The following RYR2 variants were observed in gnomAD, a reference collection of about 807,000 sequenced individuals.
The protein encoded by RYR2 is ryanodine receptor 2.
A neutral mutation model predicts 601.1 loss-of-function variants in RYR2; 227 were observed. That is an observed-to-expected ratio of 0.38 (90% CI 0.34 to 0.42). The LOEUF (loss-of-function observed/expected upper bound fraction) is 0.42, where lower values mean the gene tolerates loss of function less well. Among genes scored for constraint, RYR2 ranks in the 10% least tolerant of loss-of-function variants. The pLI is 1.00. For synonymous variants in RYR2, 2,223 were observed against 2,175.1 expected (o/e 1.02, Z -0.61); for missense variants, 4,646 against 6,156.5 (o/e 0.75, Z 8.21).
In RYR2 at chr1:237,565,169, T is replaced by TTCTTTC. The variant is rs1553503353; in HGVS notation, c.3215-1396_3215-1391dup. 8.3e-4 allele frequency among the ~76,000 whole-genome samples: 20 copies of TTCTTTC among 24,032 alleles called. No individual in the cohort carries two copies. The South Asian group carries it at 0.047, about 56-fold the overall frequency. 15.8% of individuals were successfully genotyped at this position (24,032 alleles called of 152,430 possible). A position where few individuals can be genotyped will look rare whatever the true frequency, so the allele number is the denominator to read the frequency against. ...TCTTTCTTTCTTTCTCTTTCTTTCT[T>TTCTTTC]TCTTTCTTTCTTTCTTTCTTTCTTT... On this transcript the variant is annotated intron_variant, in intron 27 of 104. Transcript: ENST00000366574.
intron 44 of RYR2, 92 bp from the exon 45 acceptor site, chr1:237,638,265 A>G (rs1681080979): frequency 1.9e-6 from 3 of 1,546,402 alleles, no homozygotes; most frequent in South Asian, 2.5e-5. Context: ...GTTTAAAAGC[A>G]TCCTTTAAGG....
chr1:237,681,706 C>G (rs921407958), intron 62 of RYR2, among the ~76,000 whole-genome samples: 1 of 152,182 alleles, frequency 6.6e-6, no homozygotes, highest in African/African-American at 2.4e-5. Context: ...GAATTTCCAC[C>G]CCTTCCCACT....
chr1:237,363,039 G>C (rs1042296115), intron 4 of RYR2, among the ~76,000 whole-genome samples: 7 of 151,086 alleles, frequency 4.6e-5, no homozygotes, highest in African/African-American at 1.5e-4. Context: ...ACAAAATCAG[G>C]CTGAGAAAAT....
chr1:237,248,084 T>C (rs910003951), intron 1 of RYR2, among the ~76,000 whole-genome samples: 6 of 151,944 alleles, frequency 3.9e-5, no homozygotes, highest in Non-Finnish European at 7.4e-5. Flanking sequence ...CCAGCCTGGG[T>C]AACATGGTGA....
intron 2 of RYR2, among the ~76,000 whole-genome samples, chr1:237,284,572 A>G (rs1691297082): frequency 1.1e-5 from 1 of 93,320 alleles, no homozygotes; most frequent in Non-Finnish European, 2.0e-5. Flanking sequence ...CACCATATAT[A>G]TACACACACA....
intron 1 of RYR2, among the ~76,000 whole-genome samples, chr1:237,058,603 A>G (rs1463945325): frequency 6.6e-6 from 1 of 152,222 alleles, no homozygotes. Flanking sequence ...ATGAGCACCT[A>G]TAACACTTTC....
chr1:237,132,928 GT>G (rs1237445028), intron 1 of RYR2, among the ~76,000 whole-genome samples: 1 of 151,678 alleles, frequency 6.6e-6, no homozygotes, highest in Non-Finnish European at 1.5e-5. Flanking sequence ...CAGTGTTCAG[GT>G]AGAGTTGGGT....
At chr1:237,311,514 C>T (rs1694565914) in intron 2 of RYR2, among the ~76,000 whole-genome samples, 2 of 150,192 alleles carry the variant, frequency 1.3e-5, no homozygotes, top group Non-Finnish European at 2.9e-5. Context: ...GGATCTCACT[C>T]TGTGACCCAG....
rs1413565928 is a variant in RYR2, at chr1:237,784,025, C to A, written c.12313C>A (p.Leu4105Ile). The change falls in exon 90 of 105, where the codon CTC (leucine) becomes ATC (isoleucine). Residue 4105 changes from leucine (L) to isoleucine (I), a missense_variant. By Grantham distance (5) the Leu-to-Ile change is conservative. Coordinates refer to ENST00000366574, the MANE Select transcript of RYR2 (RefSeq NM_001035.3). The surrounding 1 kb of genome is among the most constrained non-coding windows in gnomAD (Gnocchi z 7.1). ...CAACGTCGCCGTCCTTCTGACAAAC[C>A]TCTCTGAGCACATGCCCAACGATAC... The part of the protein sequence containing the change: ...GFNVAVLLTN[L>I]SEHMPNDTRL... 6.2e-7 allele frequency: 1 copy of A among 1,613,990 alleles called. No individual in the cohort carries two copies. Among genetic ancestry groups the A allele is most frequent in the Non-Finnish European group, 8.5e-7 (1 of 1,179,874 alleles).
At chr1:237,684,344 C>G (rs988603726) in intron 62 of RYR2, among the ~76,000 whole-genome samples, 1 of 152,002 alleles carries the variant, frequency 6.6e-6, no homozygotes, top group African/African-American at 2.4e-5. Context: ...AAATTTAGAA[C>G]TACAGCCAAG....
intron 25 of RYR2, among the ~76,000 whole-genome samples, chr1:237,542,058 CTTTA>C (rs71180097): frequency 0.2 from 29,686 of 146,704 alleles, 3,257 homozygotes; most frequent in Middle Eastern, 0.27. Flanking sequence ...ACATTTTTGT[CTTTA>C]TTTATTTATT....
chr1:237,547,106 A>C (rs1231654749), intron 25 of RYR2, among the ~76,000 whole-genome samples: 1 of 151,246 alleles, frequency 6.6e-6, no homozygotes, highest in African/African-American at 2.4e-5. Context: ...CTTGGGTTTA[A>C]GCGATTCTCC....
intron 3 of RYR2, chr1:237,341,746 G>T (rs780190464): frequency 2.2e-6 from 1 of 464,328 alleles, no homozygotes; most frequent in Non-Finnish European, 4.3e-6. Flanking sequence ...TGCTACTGTA[G>T]TAACAGTTTT....
chr1:237,323,257 T>A (rs747860131), intron 2 of RYR2, among the ~76,000 whole-genome samples: 1 of 152,136 alleles, frequency 6.6e-6, no homozygotes, highest in Non-Finnish European at 1.5e-5. Flanking sequence ...GGAACCTACA[T>A]CAGAGGAACC....
intron 55 of RYR2, 150 bp from the exon 56 acceptor site, chr1:237,660,660 A>T: frequency 1.5e-6 from 1 of 677,272 alleles, no homozygotes. Flanking sequence ...TCTGCTTTTC[A>T]GAATTTTACT....
At chr1:237,242,455 A>G (rs1338754259) in intron 1 of RYR2, among the ~76,000 whole-genome samples, 1 of 152,152 alleles carries the variant, frequency 6.6e-6, no homozygotes. Context: ...AAATGCAAGG[A>G]CAGTAGAAAG....
intron 34 of RYR2, among the ~76,000 whole-genome samples, chr1:237,600,404 A>G (rs1676374560): frequency 6.6e-6 from 1 of 152,222 alleles, no homozygotes; most frequent in South Asian, 2.1e-4. Context: ...CCACATGCAG[A>G]AGAATGAAAT....
At chr1:237,550,165 G>A (rs1670240253) in intron 26 of RYR2, among the ~76,000 whole-genome samples, 1 of 152,166 alleles carries the variant, frequency 6.6e-6, no homozygotes, top group Non-Finnish European at 1.5e-5. Context: ...ACCACTGAGG[G>A]AGAACCAGCA....
At chr1:237,538,393 TCAAA>T (rs1300309227) in intron 25 of RYR2, among the ~76,000 whole-genome samples, 1 of 33,354 alleles carries the variant, frequency 3.0e-5, no homozygotes, top group Non-Finnish European at 4.8e-5. Flanking sequence ...AGACTCTGTC[TCAAA>T]AAAAAAAAAA....
Sources: allele counts gnomAD v4.1 joint callset (sites outside exome capture counted in the v4.1 genomes callset), GRCh38; gene constraint gnomAD v4.1.1; non-coding constraint Gnocchi (gnomAD v3.1); transcripts MANE v1.5; gene names NCBI Gene and HGNC (gene_info 2026-07-23, HGNC 2026-07-21).